The following TTC7B variants were observed in gnomAD, a reference collection of about 807,000 sequenced individuals.
TTC7B encodes the protein tetratricopeptide repeat domain 7B.
A neutral mutation model predicts 106.8 loss-of-function variants in TTC7B; 28 were observed. That is an observed-to-expected ratio of 0.26 (90% confidence interval 0.19 to 0.36). TTC7B has a LOEUF of 0.36. Ranked by LOEUF, TTC7B falls within the 10% of genes least tolerant of loss-of-function variation. TTC7B has a pLI of 1.00. For missense variants in TTC7B, 862 were observed against 1,076.4 expected, an observed-to-expected ratio of 0.80 and a Z score of 2.79; for synonymous variants, 405 against 430.6, an observed-to-expected ratio of 0.94 and a Z score of 0.74.
intron 15 of TTC7B, among the ~76,000 whole-genome samples, chr14:90,634,213 A>G (rs1884829802): frequency 1.3e-5 from 2 of 152,158 alleles, no homozygotes; most frequent in Admixed American, 1.3e-4. Context: ...GTGTGTCGAG[A>G]TAATTATTAC....
chr14:90,716,485 G>T (rs992766209), intron 5 of TTC7B, among the ~76,000 whole-genome samples: 39 of 152,202 alleles, frequency 2.6e-4, no homozygotes, highest in African/African-American at 9.4e-4. Context: ...TGACATCCTT[G>T]TCTTTCCCAT....
At chr14:90,579,012 C>T (rs888861998) in intron 18 of TTC7B, among the ~76,000 whole-genome samples, 8 of 152,226 alleles carry the variant, frequency 5.3e-5, no homozygotes, top group Non-Finnish European at 1.0e-4. Context: ...CCATGTGGAG[C>T]CAAACCCCTC....
At chr14:90,715,980 A>G (rs1345678657) in intron 5 of TTC7B, among the ~76,000 whole-genome samples, 1 of 152,146 alleles carries the variant, frequency 6.6e-6, no homozygotes, top group Non-Finnish European at 1.5e-5. Context: ...GGGTGATATA[A>G]TTATTTGTTG....
Position 90,654,973 on chromosome 14 carries a change from G to C in TTC7B, c.1459+20C>G, listed in dbSNP as rs758418127. The C allele has an allele frequency of 2.6e-5, 41 of 1,554,732 alleles. No homozygotes were observed. Among genetic ancestry groups the C allele is most frequent in the Admixed American group, 8.3e-5 (5 of 59,940 alleles). On this transcript the variant is annotated intron_variant, in intron 12 of 19. Transcript: ENST00000328459. ...TCCAGCCCTGCAGCTCAGCAGCTGT[G>C]GGGGTGGGACGTCTCTCACCGTCAG...
At chr14:90,812,076 T>G (rs1290913024) in intron 1 of TTC7B, among the ~76,000 whole-genome samples, 1 of 151,984 alleles carries the variant, frequency 6.6e-6, no homozygotes, top group African/African-American at 2.4e-5. Context: ...CCAACCCCAT[T>G]ATGACCATGT....
intron 15 of TTC7B, among the ~76,000 whole-genome samples, chr14:90,635,204 C>G (rs953206590): frequency 6.6e-6 from 1 of 151,744 alleles, no homozygotes; most frequent in African/African-American, 2.4e-5. Flanking sequence ...TAGACCCTCA[C>G]TAAAATTTCT....
rs114331617 is a variant in TTC7B, at chr14:90,663,769, G to A, written c.1153-5382C>T. Among the ~76,000 whole-genome samples the A allele has an allele frequency of 0.013, 1,909 of 152,260 alleles. 41 individuals carry two copies. The highest frequency in any genetic ancestry group is 0.042 in the African/African-American group (1,732 of 41,536). ...AGTTAGGAAATCTGGGTCAATTACA[G>A]ATTAGCCCTCCACCCCAATTCAGAG... is the stretch of plus-strand genomic sequence containing the variant. On this transcript the variant is annotated intron_variant, in intron 9 of 19. Transcript: ENST00000328459. This position sits in a 1 kb window ranked among gnomAD's most constrained non-coding sequence, Gnocchi z 4.5.
chr14:90,793,400 T>C (rs1891654192), intron 1 of TTC7B, among the ~76,000 whole-genome samples: 1 of 151,670 alleles, frequency 6.6e-6, no homozygotes, highest in Non-Finnish European at 1.5e-5. Context: ...GGCAGGTGCC[T>C]GTAATCCCAG....
intron 5 of TTC7B, among the ~76,000 whole-genome samples, chr14:90,728,181 C>A (rs1889183533): frequency 6.6e-6 from 1 of 151,970 alleles, no homozygotes; most frequent in Non-Finnish European, 1.5e-5. Flanking sequence ...GCAGGGACTG[C>A]AGCTAACAGG....
intron 19 of TTC7B, among the ~76,000 whole-genome samples, chr14:90,552,981 G>A (rs920453167): frequency 6.6e-6 from 1 of 152,238 alleles, no homozygotes. Flanking sequence ...AAAAGACTGA[G>A]GCCCAAAGAA....
Position 90,578,188 on chromosome 14 carries a change from C to G in TTC7B, c.2228G>C (p.Arg743Pro). The change falls in exon 19 of 20, where the codon CGG becomes CCG. Residue 743 changes from arginine to proline, a missense_variant. Transcript: ENST00000328459. This position sits in a 1 kb window ranked among gnomAD's most constrained non-coding sequence, Gnocchi z 4.7. ...LYMRGQIAELRGSMDEARRWY... is the reference protein window; with the variant it reads ...LYMRGQIAELPGSMDEARRWY... ...CCGCCGCGCCTCGTCCATGCTTCCC[C>G]GGAGCTCAGCAATCTGGCCGCGCAT... 1 of 1,614,060 alleles carries G rather than the reference C, an allele frequency of 6.2e-7. No homozygotes were observed. The highest frequency in any genetic ancestry group is 8.5e-7 in the Non-Finnish European group (1 of 1,179,990).
intron 8 of TTC7B, 120 bp downstream of exon 8, chr14:90,680,352 A>G (rs1309122068): frequency 2.7e-6 from 2 of 730,038 alleles, no homozygotes; most frequent in East Asian, 2.6e-5. Flanking sequence ...CCATCCAGGT[A>G]TACCCTCTAG....
intron 3 of TTC7B, among the ~76,000 whole-genome samples, chr14:90,773,443 GCC>G (rs1890926397): frequency 6.6e-6 from 1 of 152,100 alleles, no homozygotes; most frequent in East Asian, 1.9e-4. Flanking sequence ...GAGTCCACAG[GCC>G]TTGCTTTGAA....
intron 3 of TTC7B, among the ~76,000 whole-genome samples, chr14:90,746,817 T>G (rs1889982309): frequency 6.6e-6 from 1 of 152,258 alleles, no homozygotes; most frequent in Non-Finnish European, 1.5e-5. Context: ...AGAAGTGTAT[T>G]ATTTAGTTTC....
At position 90,624,335 on chromosome 14, in the gene TTC7B, C is replaced by A. The variant is rs369929981; in HGVS notation, c.1752-6290G>T. 2.6e-5 allele frequency among the ~76,000 whole-genome samples: 4 copies of A among 152,204 alleles called. No individual in the cohort carries two copies. The highest frequency in any genetic ancestry group is 2.0e-4 in the Admixed American group (3 of 15,282). The stretch of plus-strand genomic sequence containing the variant: ...AGGGCTTAGAAAGAAGACACAACTG[C>A]CCCTGGGGAAGCTCTGGGGCACGCG... On this transcript the variant is annotated intron_variant, in intron 15 of 19. Coordinates refer to ENST00000328459, the MANE Select transcript of TTC7B (RefSeq NM_001010854.2). The surrounding 1 kb of genome is among the most constrained non-coding windows in gnomAD (Gnocchi z 4.0).
At chr14:90,661,052 C>T (rs775227770) in intron 9 of TTC7B, among the ~76,000 whole-genome samples, 13 of 152,148 alleles carry the variant, frequency 8.5e-5, no homozygotes, top group Non-Finnish European at 1.6e-4. Flanking sequence ...CACACTTTGC[C>T]CTCAGCCCTG....
rs1403708238 is a variant in TTC7B, at chr14:90,529,580, A to G, written c.*11788T>C. 6.6e-6 allele frequency: 1 copy of G among 152,226 alleles called. No homozygotes were observed. Among genetic ancestry groups the G allele is most frequent in the East Asian group, 1.9e-4 (1 of 5,198 alleles). The allele number at this position is 152,226 out of a possible 1,614,324, so 9.4% of individuals were successfully genotyped here. A position where few individuals can be genotyped will look rare whatever the true frequency, so the allele number is the denominator to read the frequency against. On this transcript the variant is annotated 3_prime_UTR_variant, in exon 20 of 20. Coordinates refer to ENST00000328459, the MANE Select transcript of TTC7B (RefSeq NM_001010854.2). ...TTCTGGAGTCAGGCAACCTGGGTTC[A>G]AGGCCTGCTGTAGTATTACCCAAAC...
At chr14:90,736,966 T>C (rs1184674500) in intron 4 of TTC7B, among the ~76,000 whole-genome samples, 2 of 150,062 alleles carry the variant, frequency 1.3e-5, no homozygotes, top group Non-Finnish European at 3.0e-5. Context: ...TGGTTGAAAG[T>C]TATCAAATCC....
rs1892631175 is a variant in TTC7B at position 90,606,184 on chromosome 14, C to T, written c.1966+4558G>A. 3.3e-5 allele frequency among the ~76,000 whole-genome samples: 5 copies of T among 152,214 alleles called. No homozygotes were observed. In the South Asian group the frequency reaches 1.0e-3, roughly 32 times the overall value. On this transcript the variant is annotated intron_variant, in intron 17 of 19. Transcript: ENST00000328459. ...ACAGTTTACTTGAAAATAAGGTTTT[C>T]CAAGGTGCAGAGTACTGAGGTGCAA...
Sources: gnomAD v4.1 joint callset for allele counts (sites outside exome capture counted in the v4.1 genomes callset) on GRCh38, gnomAD v4.1.1 for gene constraint, Gnocchi (gnomAD v3.1) non-coding constraint, MANE v1.5 for transcripts, NCBI Gene and HGNC (gene_info 2026-07-23, HGNC 2026-07-21) for gene names.